GATB: variants seen among roughly 807,000 people sequenced by gnomAD.
The protein encoded by GATB is glutamyl-tRNA amidotransferase subunit B, also known as glutamyl-tRNA(Gln) amidotransferase subunit B, mitochondrial.
GATB carries 39 observed loss-of-function variants against 62.3 expected under a neutral mutation model. That is an observed-to-expected ratio of 0.63 (90% CI 0.48 to 0.82). The LOEUF (loss-of-function observed/expected upper bound fraction) is 0.82, where lower values mean the gene tolerates loss of function less well. Ranked by LOEUF, GATB falls within the 40% of genes least tolerant of loss-of-function variation. The probability of loss-of-function intolerance (pLI) is 0.00; values close to 1 mark genes in which losing one functional copy is unlikely to be tolerated. For synonymous variants in GATB, 276 were observed against 258.9 expected, an observed-to-expected ratio of 1.07 and a Z score of -0.63; for missense variants, 670 against 684.0, an observed-to-expected ratio of 0.98 and a Z score of 0.23.
chr4:151,688,041 G>A lies in GATB; in HGVS notation c.1331+589C>T, dbSNP rs561532475. 2.6e-5 allele frequency among the ~76,000 whole-genome samples: 4 copies of A among 152,270 alleles called. No homozygotes were observed. The East Asian group carries it at 5.8e-4, about 22-fold the overall frequency. ...CTCCAGGTGGCCCTTGGTCATCTCC[G>A]CGGCTCTGTCCCCACCATTCCCACC... On this transcript the variant is annotated intron_variant, in intron 10 of 12. Transcript: ENST00000263985.
intron 9 of GATB, among the ~76,000 whole-genome samples, chr4:151,690,675 G>A (rs1380586967): frequency 2.6e-5 from 4 of 152,182 alleles, no homozygotes; most frequent in African/African-American, 4.8e-5. Context: ...TTGCTGGGAC[G>A]TGATGCATAT....
chr4:151,671,965 T>C (rs776246974), intron 12 of GATB, among the ~76,000 whole-genome samples: 2 of 152,160 alleles, frequency 1.3e-5, no homozygotes, highest in Admixed American at 1.3e-4. Context: ...AGAACAAGCC[T>C]GAAACTACTG....
intron 2 of GATB, chr4:151,720,586 G>T (rs145783719): frequency 1.3e-5 from 2 of 152,118 alleles, no homozygotes; most frequent in Non-Finnish European, 2.9e-5. Context: ...TACTATTATT[G>T]ATATAGATAG....
At chr4:151,742,617 T>C (rs1362008330) in intron 2 of GATB, among the ~76,000 whole-genome samples, 1 of 152,148 alleles carries the variant, frequency 6.6e-6, no homozygotes, top group Non-Finnish European at 1.5e-5. Flanking sequence ...TCAGACAGGC[T>C]TGGGGTCAGA....
At chr4:151,688,591 T>TCATC in intron 10 of GATB, 39 bp downstream of exon 10, 1 of 1,582,038 alleles carries the variant, frequency 6.3e-7, no homozygotes, top group Non-Finnish European at 8.6e-7. Context: ...TGGACAGAGC[T>TCATC]CATCACAAAG....
At chr4:151,703,533 G>C (rs1432546468) in intron 8 of GATB, 1 of 375,552 alleles carries the variant, frequency 2.7e-6, no homozygotes, top group Non-Finnish European at 4.9e-6. Context: ...ATTAGAATAA[G>C]AACAGCCTAG....
intron 2 of GATB, among the ~76,000 whole-genome samples, chr4:151,736,132 C>T (rs1355844614): frequency 6.6e-6 from 1 of 152,154 alleles, no homozygotes; most frequent in East Asian, 1.9e-4. Context: ...AGCTATCTAC[C>T]TAAACTTTCC....
At chr4:151,685,545 A>G (rs1738226492) in intron 10 of GATB, among the ~76,000 whole-genome samples, 1 of 152,024 alleles carries the variant, frequency 6.6e-6, no homozygotes, top group South Asian at 2.1e-4. Flanking sequence ...CTCCTTCCCA[A>G]TCATTCCAGT....
At chr4:151,757,467 A>ATTTTTTTT (rs745311470) in intron 2 of GATB, among the ~76,000 whole-genome samples, 3 of 103,822 alleles carry the variant, frequency 2.9e-5, no homozygotes, top group African/African-American at 4.0e-5. Flanking sequence ...CAGCTTCCAG[A>ATTTTTTTT]TTTTTTTTTT....
chr4:151,680,023 A>G, intron 10 of GATB, 132 bp from the exon 11 acceptor site: 1 of 701,966 alleles, frequency 1.4e-6, no homozygotes, highest in Non-Finnish European at 2.5e-6. Context: ...TGAAAACAGC[A>G]GGCCAACTGG....
intron 10 of GATB, among the ~76,000 whole-genome samples, chr4:151,687,610 T>C (rs1168329754): frequency 6.6e-6 from 1 of 152,166 alleles, no homozygotes. Flanking sequence ...CAAATTCCTA[T>C]ATTGAAGCGC....
At chr4:151,676,481 G>C (rs1293684127) in intron 11 of GATB, 8 of 152,224 alleles carry the variant, frequency 5.3e-5, no homozygotes, top group Non-Finnish European at 8.8e-5. Context: ...GATTTCCCTT[G>C]AACCATGACT....
chr4:151,731,670 G>A (rs561034237), intron 2 of GATB, among the ~76,000 whole-genome samples: 3 of 152,114 alleles, frequency 2.0e-5, no homozygotes, highest in African/African-American at 7.2e-5. Context: ...AGGAAGTGAG[G>A]AGCGTCTCTG....
At chr4:151,693,501 G>A (rs1027100134) in intron 9 of GATB, among the ~76,000 whole-genome samples, 11 of 144,304 alleles carry the variant, frequency 7.6e-5, no homozygotes, top group Non-Finnish European at 1.5e-4. Context: ...CAGGAAACAC[G>A]ACCCCCCCCT....
chr4:151,671,349 T>C (rs777183156), intron 12 of GATB, 47 bp from the exon 13 acceptor site: 2 of 1,587,022 alleles, frequency 1.3e-6, no homozygotes, highest in East Asian at 2.2e-5. Flanking sequence ...ATGAAGGGAT[T>C]CATGCCCCCA....
intron 9 of GATB, among the ~76,000 whole-genome samples, chr4:151,697,951 GTGTATATATATA>G (rs1276745460): frequency 1.6e-3 from 45 of 28,604 alleles, no homozygotes; most frequent in South Asian, 9.9e-3. Context: ...GTGTGTGTGT[GTGTATATATATA>G]TATATATATA....
chr4:151,714,753 G>T (rs1486659610), intron 5 of GATB, among the ~76,000 whole-genome samples: 3 of 152,110 alleles, frequency 2.0e-5, no homozygotes, highest in Non-Finnish European at 4.4e-5. Flanking sequence ...GAGCATAAAT[G>T]GATAACCATC....
chr4:151,724,737 G>T (rs2126982287), intron 2 of GATB, among the ~76,000 whole-genome samples: 1 of 152,118 alleles, frequency 6.6e-6, no homozygotes, highest in South Asian at 2.1e-4. Flanking sequence ...CACTACTACA[G>T]TCTAGGTCTT....
At chr4:151,689,051 C>T (rs967959676) in intron 9 of GATB, among the ~76,000 whole-genome samples, 3 of 152,160 alleles carry the variant, frequency 2.0e-5, no homozygotes, top group African/African-American at 7.2e-5. Context: ...TCCCCCAAAC[C>T]CACTTGCTTT....
Sources: allele counts gnomAD v4.1 joint callset (sites outside exome capture counted in the v4.1 genomes callset), GRCh38; gene constraint gnomAD v4.1.1; transcripts MANE v1.5; gene names NCBI Gene and HGNC (gene_info 2026-07-23, HGNC 2026-07-21).